The following PLCL1 variants were observed in gnomAD, a reference collection of about 807,000 sequenced individuals.
The protein encoded by PLCL1 is phospholipase C like 1 (inactive).
A neutral mutation model predicts 84.4 loss-of-function variants in PLCL1; 41 were observed. The ratio of observed to expected loss-of-function variants is 0.49; its 90% CI spans 0.38 to 0.63. The LOEUF is 0.63. Among genes scored for constraint, PLCL1 ranks in the 30% least tolerant of loss-of-function variants. The pLI is 0.00. For missense variants in PLCL1, 1,206 were observed against 1,367.8 expected (o/e 0.88, Z 1.87); for synonymous variants, 490 against 488.3 (o/e 1.00, Z -0.05).
chr2:198,125,854 A>C (rs1042556518), intron 5 of PLCL1, among the ~76,000 whole-genome samples: 1 of 152,176 alleles, frequency 6.6e-6, no homozygotes, highest in African/African-American at 2.4e-5. Context: ...TTAAAGAGTA[A>C]GCAAAAATGG....
chr2:197,898,693 ATTTAT>A (rs1407737439), intron 1 of PLCL1, among the ~76,000 whole-genome samples: 1 of 71,246 alleles, frequency 1.4e-5, no homozygotes, highest in East Asian at 2.5e-4. Flanking sequence ...AATACTTATA[ATTTAT>A]TAATATAAAT....
chr2:197,901,655 G>T (rs181488704), intron 1 of PLCL1, among the ~76,000 whole-genome samples: 1 of 152,314 alleles, frequency 6.6e-6, no homozygotes, highest in Admixed American at 6.5e-5. Context: ...CAGAGACCGA[G>T]AGGATAAAGA....
intron 1 of PLCL1, among the ~76,000 whole-genome samples, chr2:197,866,788 C>T (rs1687556781): frequency 1.3e-5 from 2 of 152,140 alleles, no homozygotes; most frequent in Admixed American, 1.3e-4. Flanking sequence ...TCTCTCTTCC[C>T]CACTTCCCTA....
At chr2:197,852,504 A>G (rs1687257368) in intron 1 of PLCL1, among the ~76,000 whole-genome samples, 1 of 152,254 alleles carries the variant, frequency 6.6e-6, no homozygotes. Context: ...ATTGTAGATT[A>G]AAGGAGGAGA....
chr2:198,063,604 C>A (rs1389689880), intron 1 of PLCL1, among the ~76,000 whole-genome samples: 1 of 152,044 alleles, frequency 6.6e-6, no homozygotes, highest in East Asian at 1.9e-4. Context: ...ATGGAGAAAC[C>A]AATCATGTGA....
intron 1 of PLCL1, among the ~76,000 whole-genome samples, chr2:197,829,099 A>C (rs1343695939): frequency 6.6e-6 from 1 of 152,224 alleles, no homozygotes; most frequent in Non-Finnish European, 1.5e-5. Context: ...ATAAGTTTTT[A>C]GTACAATTTA....
intron 1 of PLCL1, among the ~76,000 whole-genome samples, chr2:197,947,225 G>A (rs1221320447): frequency 7.9e-6 from 1 of 127,306 alleles, no homozygotes; most frequent in East Asian, 2.1e-4. Flanking sequence ...AAAGGGTAGA[G>A]GTGCTTAGAT....
intron 1 of PLCL1, among the ~76,000 whole-genome samples, chr2:197,999,648 C>T (rs1002533758): frequency 2.6e-5 from 4 of 152,124 alleles, no homozygotes; most frequent in Admixed American, 1.3e-4. Context: ...GGCGTTGCTG[C>T]CCTAATGGAT....
intron 5 of PLCL1, among the ~76,000 whole-genome samples, chr2:198,112,260 T>C (rs1381332326): frequency 6.6e-6 from 1 of 151,794 alleles, no homozygotes. Flanking sequence ...AGCGAATGGA[T>C]ACAGTTGAGT....
chr2:198,020,020 T>C (rs1251049918), intron 1 of PLCL1, among the ~76,000 whole-genome samples: 6 of 152,146 alleles, frequency 3.9e-5, no homozygotes, highest in Non-Finnish European at 7.4e-5. Flanking sequence ...GGGAAGCCCA[T>C]CAAACTAACA....
At chr2:198,000,271 T>C (rs1024148126) in intron 1 of PLCL1, among the ~76,000 whole-genome samples, 2 of 152,140 alleles carry the variant, frequency 1.3e-5, no homozygotes, top group South Asian at 2.1e-4. Flanking sequence ...TTTGGACTTA[T>C]ATTTATTTTT....
At chr2:197,936,584 T>C (rs1431498915) in intron 1 of PLCL1, among the ~76,000 whole-genome samples, 2 of 152,204 alleles carry the variant, frequency 1.3e-5, no homozygotes, top group Admixed American at 1.3e-4. Context: ...TTCCCTGTTT[T>C]AAAATTGAGT....
intron 1 of PLCL1, among the ~76,000 whole-genome samples, chr2:197,847,363 C>A (rs1411459541): frequency 4.6e-5 from 7 of 152,138 alleles, no homozygotes; most frequent in Admixed American, 3.9e-4. Context: ...AGATCCTCAG[C>A]ACCCCAGAGG....
At chr2:197,920,657 T>C (rs917343286) in intron 1 of PLCL1, among the ~76,000 whole-genome samples, 1 of 152,190 alleles carries the variant, frequency 6.6e-6, no homozygotes, top group Admixed American at 6.5e-5. Flanking sequence ...TTACAGACAG[T>C]GTCTAGTGTA....
chr2:198,049,552 T>C (rs1408526548), intron 1 of PLCL1, among the ~76,000 whole-genome samples: 4 of 152,146 alleles, frequency 2.6e-5, no homozygotes, highest in Non-Finnish European at 2.9e-5. Context: ...ATTTTCAATA[T>C]AGCTTAACCA....
At chr2:198,078,021 C>T (rs1008673171) in intron 1 of PLCL1, among the ~76,000 whole-genome samples, 2 of 152,068 alleles carry the variant, frequency 1.3e-5, no homozygotes, top group African/African-American at 2.4e-5. Context: ...CCTAATCTAC[C>T]TAATACCTTC....
intron 5 of PLCL1, among the ~76,000 whole-genome samples, chr2:198,118,792 T>C (rs1392643766): frequency 6.6e-6 from 1 of 152,048 alleles, no homozygotes; most frequent in African/African-American, 2.4e-5. Flanking sequence ...GGATTTGTCA[T>C]GTAGTTACCA....
intron 1 of PLCL1, among the ~76,000 whole-genome samples, chr2:197,928,061 A>G (rs1243791946): frequency 1.3e-5 from 2 of 152,170 alleles, no homozygotes; most frequent in African/African-American, 4.8e-5. Flanking sequence ...ATATTGCTTT[A>G]TATCTGCATC....
chr2:198,043,497 C>T (rs939453113), intron 1 of PLCL1, among the ~76,000 whole-genome samples: 3 of 152,120 alleles, frequency 2.0e-5, no homozygotes, highest in Non-Finnish European at 2.9e-5. Flanking sequence ...AATCATGCAG[C>T]CTTGCCATCA....
Sources: allele counts gnomAD v4.1 joint callset (sites outside exome capture counted in the v4.1 genomes callset), GRCh38; gene constraint gnomAD v4.1.1; transcripts MANE v1.5; gene names NCBI Gene and HGNC (gene_info 2026-07-23, HGNC 2026-07-21).